MICOS10: variants seen among roughly 807,000 people sequenced by gnomAD.
The protein encoded by MICOS10 is MICOS complex subunit MIC10.
A neutral mutation model predicts 13.4 loss-of-function variants in MICOS10; 5 were observed. That is an observed-to-expected ratio of 0.37 (90% CI 0.20 to 0.78). The LOEUF is 0.78. MICOS10 is among the 30% of genes least tolerant of loss of function. The probability of loss-of-function intolerance (pLI) is 0.47; values close to 1 mark genes in which losing one functional copy is unlikely to be tolerated. For synonymous variants in MICOS10, 35 were observed against 33.6 expected, an observed-to-expected ratio of 1.04 and a Z score of -0.15; for missense variants, 101 against 94.6, an observed-to-expected ratio of 1.07 and a Z score of -0.28.
intron 1 of MICOS10, among the ~76,000 whole-genome samples, chr1:19,603,739 A>G (rs1261631240): frequency 6.6e-6 from 1 of 152,222 alleles, no homozygotes; most frequent in Admixed American, 6.5e-5. Context: ...TTAGCATTTG[A>G]AGAAATTCAT....
At chr1:19,617,061 T>C (rs745677288) in intron 1 of MICOS10, among the ~76,000 whole-genome samples, 3 of 152,240 alleles carry the variant, frequency 2.0e-5, no homozygotes, top group Non-Finnish European at 2.9e-5. Flanking sequence ...GCTATGTTTC[T>C]TGTTTTATGC....
At position 19,627,712 on chromosome 1, in the gene MICOS10, C is replaced by T. The variant is rs2094926448; in HGVS notation, c.*1311C>T. 1 of 152,282 alleles carries T rather than the reference C, an allele frequency of 6.6e-6. No individual in the cohort carries two copies. The highest frequency in any genetic ancestry group is 1.5e-5 in the Non-Finnish European group (1 of 68,104). 9.4% of individuals were successfully genotyped at this position (152,282 alleles called of 1,614,324 possible). On this transcript the variant is annotated 3_prime_UTR_variant, in exon 4 of 4. Coordinates refer to ENST00000322753, the MANE Select transcript of MICOS10 (RefSeq NM_001032363.4). ...AGCTGGGAAATCGCAAGTAGTTCAG[C>T]ATAGCCAGGGTGTGTAGGGGCAGGG...
In MICOS10 at chr1:19,629,513, A is replaced by T. The variant is rs1469729755; in HGVS notation, c.*3112A>T. 6.6e-6 allele frequency: 1 copy of T among 152,248 alleles called. No homozygotes were observed. Among genetic ancestry groups the T allele is most frequent in the Non-Finnish European group, 1.5e-5 (1 of 68,042 alleles). 9.4% of individuals were successfully genotyped at this position (152,248 alleles called of 1,614,324 possible). On this transcript the variant is annotated 3_prime_UTR_variant, in exon 4 of 4. Transcript: ENST00000322753. ...GGCTGCATTTGCCTTATGCAGAAGT[A>T]TGCCTTTGTTCTGAGAAATGGCCTC...
chr1:19,623,596 T>C lies in MICOS10; in HGVS notation c.222+13T>C, dbSNP rs11805448. On this transcript the variant is annotated intron_variant, in intron 3 of 3. Transcript: ENST00000322753. ...AAAATATGTCAAAGTATGTACAGAA[T>C]ATATATTTCTCTTTCCTTCAGAAGA... 2,095 of 1,533,910 alleles carry C rather than the reference T, an allele frequency of 1.4e-3. 18 individuals are homozygous for C. The African/African-American group carries it at 0.019, about 14-fold the overall frequency.
At position 19,626,364 on chromosome 1, in the gene MICOS10, A is replaced by T. The variant is rs779670431; in HGVS notation, c.223-23A>T. ...TCAGAATGCCGTCTGCACAGTTTTA[A>T]GCTGAATGTCCTTGCTTTACAGGAG... On this transcript the variant is annotated intron_variant, in intron 3 of 3. Coordinates refer to ENST00000322753, the MANE Select transcript of MICOS10 (RefSeq NM_001032363.4). 4.3e-6 allele frequency: 7 copies of T among 1,613,958 alleles called. No homozygotes were observed. The Admixed American group carries it at 1.2e-4, about 27-fold the overall frequency.
chr1:19,618,474 G>C (rs1302653423), intron 1 of MICOS10, among the ~76,000 whole-genome samples: 1 of 152,034 alleles, frequency 6.6e-6, no homozygotes, highest in Non-Finnish European at 1.5e-5. Flanking sequence ...TTATCAGGGA[G>C]GTGGCAGAAC....
At chr1:19,606,117 T>C (rs931763217) in intron 1 of MICOS10, among the ~76,000 whole-genome samples, 1 of 152,022 alleles carries the variant, frequency 6.6e-6, no homozygotes, top group Non-Finnish European at 1.5e-5. Context: ...GCTGATCAAA[T>C]GAGAGGAAGC....
chr1:19,603,227 G>A (rs1484351355), intron 1 of MICOS10, among the ~76,000 whole-genome samples: 1 of 152,124 alleles, frequency 6.6e-6, no homozygotes, highest in Non-Finnish European at 1.5e-5. Flanking sequence ...GCTACTGGGA[G>A]GCTGAGGCAG....
At chr1:19,617,942 C>T (rs2094890286) in intron 1 of MICOS10, among the ~76,000 whole-genome samples, 1 of 151,818 alleles carries the variant, frequency 6.6e-6, no homozygotes, top group Admixed American at 6.6e-5. Flanking sequence ...CATACACACA[C>T]AGCAAAGCCC....
intron 1 of MICOS10, among the ~76,000 whole-genome samples, chr1:19,614,900 C>T (rs973847663): frequency 3.9e-5 from 6 of 152,222 alleles, no homozygotes; most frequent in Non-Finnish European, 7.3e-5. Flanking sequence ...TTGGGCCACT[C>T]CTCAGTTCCC....
intron 1 of MICOS10, among the ~76,000 whole-genome samples, chr1:19,597,606 T>G (rs1193625380): frequency 6.6e-6 from 1 of 152,212 alleles, no homozygotes; most frequent in Admixed American, 6.5e-5. Flanking sequence ...TGCCACCTGA[T>G]TTATTTGAAT....
At chr1:19,608,501 G>A in intron 1 of MICOS10, 1 of 1,153,872 alleles carries the variant, frequency 8.7e-7, no homozygotes, top group Admixed American at 1.7e-5. Context: ...CGGGAGGATT[G>A]AGGACGTCAC....
chr1:19,625,046 C>G (rs998277188), intron 3 of MICOS10, among the ~76,000 whole-genome samples: 3 of 152,174 alleles, frequency 2.0e-5, no homozygotes, highest in African/African-American at 7.2e-5. Flanking sequence ...GACCTAGGTG[C>G]AAGCCTGTCA....
Position 19,603,943 on chromosome 1 carries a change from C to T in MICOS10, c.64+6834C>T, listed in dbSNP as rs567441948. ...GGTGTGTCAAGCACAACAGTGATTTCCGTTAGTAGCAAGAAAAAAGGCAAG... is the reference window on the plus strand; with the variant it reads ...GGTGTGTCAAGCACAACAGTGATTTTCGTTAGTAGCAAGAAAAAAGGCAAG... On this transcript the variant is annotated intron_variant, in intron 1 of 3. Transcript: ENST00000322753. 4.4e-3 allele frequency among the ~76,000 whole-genome samples: 671 copies of T among 152,244 alleles called. 6 individuals carry two copies. The highest frequency in any genetic ancestry group is 6.0e-3 in the Non-Finnish European group (411 of 68,012).
chr1:19,621,706 T>TG (rs2094904225), intron 1 of MICOS10, among the ~76,000 whole-genome samples: 1 of 152,154 alleles, frequency 6.6e-6, no homozygotes, highest in South Asian at 2.1e-4. Context: ...AGTGCTGAGG[T>TG]GACAAGGGGA....
intron 1 of MICOS10, among the ~76,000 whole-genome samples, chr1:19,611,714 A>G (rs1489785345): frequency 2.0e-5 from 3 of 151,872 alleles, no homozygotes; most frequent in Non-Finnish European, 4.4e-5. Context: ...GCTCACACCT[A>G]TAATCCCAGC....
At chr1:19,622,513 A>G (rs1210625821) in intron 2 of MICOS10, among the ~76,000 whole-genome samples, 1 of 152,222 alleles carries the variant, frequency 6.6e-6, no homozygotes, top group African/African-American at 2.4e-5. Flanking sequence ...TCCTGCTGGT[A>G]ATAGAAACAA....
chr1:19,616,852 G>A (rs1434043423), intron 1 of MICOS10, among the ~76,000 whole-genome samples: 2 of 152,084 alleles, frequency 1.3e-5, no homozygotes, highest in South Asian at 2.1e-4. Context: ...ACTGCCTAAC[G>A]CTTTGTAGAT....
At chr1:19,605,119 G>A (rs2094830122) in intron 1 of MICOS10, among the ~76,000 whole-genome samples, 1 of 152,102 alleles carries the variant, frequency 6.6e-6, no homozygotes, top group African/African-American at 2.4e-5. Flanking sequence ...AGGGTAGGAA[G>A]GTGAACCCCA....
Sources: allele counts gnomAD v4.1 joint callset (sites outside exome capture counted in the v4.1 genomes callset), GRCh38; gene constraint gnomAD v4.1.1; transcripts MANE v1.5; gene names NCBI Gene and HGNC (gene_info 2026-07-23, HGNC 2026-07-21).